Variants in TCF7L2 observed in about 807,000 individuals in gnomAD.
TCF7L2 encodes transcription factor 7 like 2, also known as transcription factor 7-like 2.
In TCF7L2, 23 loss-of-function variants were observed where a neutral mutation model predicts 77.9. The observed-to-expected ratio is 0.30, with a 90% CI of 0.21 to 0.42. The LOEUF is 0.42. Ranked by LOEUF, TCF7L2 falls within the 10% of genes least tolerant of loss-of-function variation. TCF7L2 has a pLI of 1.00. For synonymous variants in TCF7L2, 413 were observed against 340.2 expected, an observed-to-expected ratio of 1.21 and a Z score of -2.36; for missense variants, 654 against 793.1, an observed-to-expected ratio of 0.82 and a Z score of 2.11.
At chr10:113,064,481 A>C (rs567229145) in intron 5 of TCF7L2, among the ~76,000 whole-genome samples, 7 of 152,226 alleles carry the variant, frequency 4.6e-5, no homozygotes, top group Non-Finnish European at 1.0e-4. Flanking sequence ...TACCTGTAAC[A>C]CTTTTATAAG....
At chr10:113,048,127 G>T (rs1346070247) in intron 5 of TCF7L2, among the ~76,000 whole-genome samples, 2 of 152,162 alleles carry the variant, frequency 1.3e-5, no homozygotes, top group Admixed American at 1.3e-4. Flanking sequence ...GCAAGATTGG[G>T]ACCTACTTTG....
intron 4 of TCF7L2, among the ~76,000 whole-genome samples, chr10:113,036,692 T>TTTCTTTCTTTCTTTCTTTCTTTC (rs1450399099): frequency 1.7e-5 from 2 of 114,408 alleles, no homozygotes; most frequent in African/African-American, 6.0e-5. Flanking sequence ...TTCTTTCTTT[T>TTTCTTTCTTTCTTTCTTTCTTTC]TTTTTAATGA....
chr10:113,058,019 C>T (rs149413088), intron 5 of TCF7L2, among the ~76,000 whole-genome samples: 1 of 152,134 alleles, frequency 6.6e-6, no homozygotes, highest in Non-Finnish European at 1.5e-5. Context: ...TAGAAGGACC[C>T]TCATCGAGCA....
At position 113,047,792 on chromosome 10, in the gene TCF7L2, T is replaced by C. The variant is rs561247852; in HGVS notation, c.552+7666T>C. Among the ~76,000 whole-genome samples the C allele has an allele frequency of 2.0e-3, 301 of 152,310 alleles. 1 individual carries two copies. Among genetic ancestry groups the C allele is most frequent in the Non-Finnish European group, 2.8e-3 (188 of 68,028 alleles). On this transcript the variant is annotated intron_variant, in intron 5 of 13. Coordinates refer to ENST00000627217, the MANE Select transcript of TCF7L2 (RefSeq NM_001146274.2). ...TCAAAGATGCCGTTGGCTCCTGTGA[T>C]TAAGGTCAGCCCACAATGAATGTGG...
intron 5 of TCF7L2, among the ~76,000 whole-genome samples, chr10:113,102,354 A>AATTAC (rs2061759448): frequency 6.6e-6 from 1 of 151,904 alleles, no homozygotes; most frequent in Non-Finnish European, 1.5e-5. Flanking sequence ...GATTTGAATG[A>AATTAC]ATTACAGTAT....
At chr10:113,085,792 G>A (rs1054773290) in intron 5 of TCF7L2, among the ~76,000 whole-genome samples, 1 of 152,184 alleles carries the variant, frequency 6.6e-6, no homozygotes, top group Admixed American at 6.5e-5. Context: ...ACTTTCCGCA[G>A]GAGAAACACA....
chr10:113,152,185 T>G, intron 10 of TCF7L2, 148 bp from the exon 11 acceptor site: 1 of 817,906 alleles, frequency 1.2e-6, no homozygotes, highest in Non-Finnish European at 2.1e-6. Context: ...CAGCCGACGG[T>G]CAGTATGTAC....
At chr10:112,984,358 C>G (rs2041083203) in intron 4 of TCF7L2, among the ~76,000 whole-genome samples, 1 of 152,122 alleles carries the variant, frequency 6.6e-6, no homozygotes, top group Admixed American at 6.5e-5. Context: ...GTTCAGTGGC[C>G]TTAGGCTGCG....
intron 4 of TCF7L2, among the ~76,000 whole-genome samples, chr10:113,020,412 G>A (rs113805501): frequency 1.8e-4 from 28 of 152,212 alleles, no homozygotes; most frequent in African/African-American, 6.5e-4. Context: ...CCTTCTTCCT[G>A]CCTGGAAATG....
At chr10:113,080,872 C>A (rs1009440004) in intron 5 of TCF7L2, among the ~76,000 whole-genome samples, 1 of 152,142 alleles carries the variant, frequency 6.6e-6, no homozygotes, top group African/African-American at 2.4e-5. Flanking sequence ...GTGTTATTAT[C>A]TAATGCTGAT....
At chr10:112,961,893 A>G (rs904263172) in intron 3 of TCF7L2, among the ~76,000 whole-genome samples, 2 of 148,534 alleles carry the variant, frequency 1.3e-5, no homozygotes, top group African/African-American at 2.5e-5. Flanking sequence ...GTGTGCGTGT[A>G]TGTGTGTGTG....
intron 5 of TCF7L2, among the ~76,000 whole-genome samples, chr10:113,131,001 G>A (rs1425398308): frequency 6.6e-6 from 1 of 152,222 alleles, no homozygotes; most frequent in East Asian, 1.9e-4. Context: ...CCTGACCTCA[G>A]GTGATCCGCC....
At chr10:113,082,485 CA>C (rs1407486760) in intron 5 of TCF7L2, among the ~76,000 whole-genome samples, 1 of 152,158 alleles carries the variant, frequency 6.6e-6, no homozygotes, top group Admixed American at 6.5e-5. Flanking sequence ...TTTTAACCAG[CA>C]AACACCTTTT....
At chr10:113,042,743 A>G (rs150014856) in intron 5 of TCF7L2, among the ~76,000 whole-genome samples, 1 of 152,300 alleles carries the variant, frequency 6.6e-6, no homozygotes, top group Non-Finnish European at 1.5e-5. Flanking sequence ...ACACCTTGAG[A>G]CTACAAATTT....
At chr10:113,075,652 C>A (rs563530240) in intron 5 of TCF7L2, among the ~76,000 whole-genome samples, 1 of 152,176 alleles carries the variant, frequency 6.6e-6, no homozygotes, top group East Asian at 1.9e-4. Flanking sequence ...CTAGTAGCTT[C>A]TCAAGCTGTG....
At chr10:113,066,641 G>T (rs571855031) in intron 5 of TCF7L2, among the ~76,000 whole-genome samples, 1 of 152,318 alleles carries the variant, frequency 6.6e-6, no homozygotes, top group African/African-American at 2.4e-5. Flanking sequence ...AACCTATGTG[G>T]ACCAGATTTT....
intron 4 of TCF7L2, among the ~76,000 whole-genome samples, chr10:113,014,274 C>G (rs2046961231): frequency 6.6e-6 from 1 of 152,200 alleles, no homozygotes; most frequent in South Asian, 2.1e-4. Flanking sequence ...GCCCCCTACC[C>G]TGGGGCATAG....
At chr10:113,061,569 G>C (rs752044120) in intron 5 of TCF7L2, among the ~76,000 whole-genome samples, 3 of 152,184 alleles carry the variant, frequency 2.0e-5, no homozygotes, top group South Asian at 2.1e-4. Flanking sequence ...AAAGGGTGCA[G>C]ATCACACAAA....
At chr10:113,126,676 C>G in intron 5 of TCF7L2, 8 of 985,406 alleles carry the variant, frequency 8.1e-6, no homozygotes, top group Non-Finnish European at 9.6e-6. Flanking sequence ...GTGAATGGAA[C>G]TGTGCGTGAG....
Sources: allele counts gnomAD v4.1 joint callset (sites outside exome capture counted in the v4.1 genomes callset), GRCh38; gene constraint gnomAD v4.1.1; transcripts MANE v1.5; gene names NCBI Gene and HGNC (gene_info 2026-07-23, HGNC 2026-07-21).